STT3B: variants seen among roughly 807,000 people sequenced by gnomAD.
STT3B encodes the protein dolichyl-diphosphooligosaccharide--protein glycosyltransferase subunit STT3B.
STT3B carries 29 observed loss-of-function variants against 96.8 expected under a neutral mutation model. That is an observed-to-expected ratio of 0.30 (90% CI 0.22 to 0.41). STT3B has a LOEUF of 0.41. STT3B is among the 10% of genes least tolerant of loss of function. STT3B has a pLI of 1.00. For missense variants in STT3B, 640 were observed against 1,022.3 expected, an observed-to-expected ratio of 0.63 and a Z score of 5.10; for synonymous variants, 367 against 360.0, an observed-to-expected ratio of 1.02 and a Z score of -0.22.
intron 3 of STT3B, among the ~76,000 whole-genome samples, chr3:31,592,935 G>A (rs1698698776): frequency 6.6e-6 from 1 of 152,112 alleles, no homozygotes; most frequent in South Asian, 2.1e-4. Context: ...GCAACATTGG[G>A]GCCAAAGTGC....
At chr3:31,578,661 TATC>T (rs1177858788) in intron 2 of STT3B, among the ~76,000 whole-genome samples, 2 of 151,994 alleles carry the variant, frequency 1.3e-5, no homozygotes, top group African/African-American at 4.8e-5. Context: ...GTGGATGAAT[TATC>T]ATGCTTTTTT....
chr3:31,620,439 T>C (rs1699401929), intron 9 of STT3B: 1 of 152,224 alleles, frequency 6.6e-6, no homozygotes, highest in African/African-American at 2.4e-5. Flanking sequence ...CTTTGTTTTC[T>C]GAGTAAAATT....
chr3:31,578,311 C>G (rs762552224), intron 2 of STT3B, among the ~76,000 whole-genome samples: 1 of 152,090 alleles, frequency 6.6e-6, no homozygotes, highest in African/African-American at 2.4e-5. Context: ...CTTTTTTCTT[C>G]TCTCCTGTGG....
chr3:31,584,901 A>G (rs1163354864), intron 3 of STT3B, among the ~76,000 whole-genome samples: 2 of 152,122 alleles, frequency 1.3e-5, no homozygotes, highest in East Asian at 3.9e-4. Context: ...ATTCATTTAA[A>G]ATTTCATTAT....
chr3:31,579,878 C>T lies in STT3B; in HGVS notation c.493C>T (p.His165Tyr). 2 of 1,613,734 alleles carry T rather than the reference C, an allele frequency of 1.2e-6. No homozygotes were observed. Among genetic ancestry groups the T allele is most frequent in the Non-Finnish European group, 1.7e-6 (2 of 1,179,728 alleles). ...WILNTLNITV[H>Y]IRDVCVFLAP... ...TTTAAATACATTGAACATAACTGTT[C>T]ACATAAGAGACGTATGTGTGTTCCT... The change falls in exon 3 of 16, where the codon CAC (histidine) becomes TAC (tyrosine). Residue 165 changes from histidine to tyrosine, a missense_variant. Physicochemically the swap from His to Tyr is moderately conservative, Grantham distance 83 (BLOSUM62 2). This residue lies in a region of STT3B where 267 missense variants were observed against 388.3 expected (regional missense o/e 0.69). Transcript: ENST00000295770.
At chr3:31,539,316 TTAATA>T (rs1314588005) in intron 1 of STT3B, among the ~76,000 whole-genome samples, 2 of 152,122 alleles carry the variant, frequency 1.3e-5, no homozygotes, top group African/African-American at 4.8e-5. Context: ...CAAGATAACT[TTAATA>T]TATGTTCTAA....
chr3:31,566,084 GGTAAGGTTATATAA>G, intron 1 of STT3B, among the ~76,000 whole-genome samples: 1 of 152,188 alleles, frequency 6.6e-6, no homozygotes, highest in South Asian at 2.1e-4. Flanking sequence ...TAGACAAATA[GGTAAGGTTATATAA>G]GATGGTACCA....
At chr3:31,533,485 C>A in intron 1 of STT3B, 173 bp downstream of exon 1, 4 of 797,476 alleles carry the variant, frequency 5.0e-6, no homozygotes, top group Non-Finnish European at 6.7e-6. Flanking sequence ...TGCCCGTGGG[C>A]GAAGTTTGCC....
At chr3:31,615,574 CT>C (rs989275419) in intron 6 of STT3B, among the ~76,000 whole-genome samples, 2 of 151,854 alleles carry the variant, frequency 1.3e-5, no homozygotes, top group African/African-American at 2.4e-5. Flanking sequence ...TTATATAGCA[CT>C]TTAAAATTTA....
chr3:31,627,766 T>G (rs1175552901), intron 13 of STT3B, among the ~76,000 whole-genome samples: 1 of 152,236 alleles, frequency 6.6e-6, no homozygotes, highest in Non-Finnish European at 1.5e-5. Flanking sequence ...GTGGATTTGC[T>G]TTAGCAGTCA....
chr3:31,578,018 A>T (rs934303300), intron 2 of STT3B, among the ~76,000 whole-genome samples: 10 of 152,040 alleles, frequency 6.6e-5, no homozygotes, highest in African/African-American at 2.4e-4. Flanking sequence ...TAGGGGTTTC[A>T]CTGGTTTTAG....
intron 3 of STT3B, 54 bp from the exon 4 acceptor site, chr3:31,596,744 T>A: frequency 7.1e-7 from 1 of 1,404,454 alleles, no homozygotes; most frequent in East Asian, 2.3e-5. Context: ...TTTTAAAAAT[T>A]CCGCAAGAAC....
intron 13 of STT3B, among the ~76,000 whole-genome samples, chr3:31,626,843 GTAAACTCTT>G (rs1462554911): frequency 2.0e-5 from 3 of 152,182 alleles, no homozygotes; most frequent in Non-Finnish European, 4.4e-5. Context: ...AGTATAAAGT[GTAAACTCTT>G]TAGCTTGGAA....
intron 1 of STT3B, among the ~76,000 whole-genome samples, chr3:31,534,290 C>G (rs558400053): frequency 6.6e-6 from 1 of 152,178 alleles, no homozygotes. Context: ...GAAATTACCC[C>G]ACTCTTAACA....
At chr3:31,629,539 CT>C (rs761751509) in intron 14 of STT3B, 128 bp downstream of exon 14, 3 of 495,738 alleles carry the variant, frequency 6.1e-6, no homozygotes, top group African/African-American at 2.0e-5. Context: ...TCTAAATAGT[CT>C]TTTTTTCATT....
intron 5 of STT3B, among the ~76,000 whole-genome samples, chr3:31,613,872 G>GA (rs1699241968): frequency 6.6e-6 from 1 of 151,976 alleles, no homozygotes; most frequent in Admixed American, 6.6e-5. Flanking sequence ...AACGTTATCT[G>GA]ATGGATTATG....
chr3:31,572,202 TTA>T (rs1305735332), intron 1 of STT3B, among the ~76,000 whole-genome samples: 5 of 144,334 alleles, frequency 3.5e-5, no homozygotes, highest in Non-Finnish European at 1.5e-5. Flanking sequence ...ATATAATTAA[TTA>T]TATATATTAT....
chr3:31,560,627 T>C (rs183775861), intron 1 of STT3B, among the ~76,000 whole-genome samples: 11 of 152,230 alleles, frequency 7.2e-5, no homozygotes, highest in African/African-American at 2.6e-4. Context: ...TTATTAGTCT[T>C]ATGGGGGTTT....
chr3:31,535,391 T>C (rs1264852501), intron 1 of STT3B, among the ~76,000 whole-genome samples: 2 of 151,914 alleles, frequency 1.3e-5, no homozygotes, highest in African/African-American at 4.8e-5. Flanking sequence ...CCAGCTTCAG[T>C]AGTGTGGTTG....
Sources: allele counts gnomAD v4.1 joint callset (sites outside exome capture counted in the v4.1 genomes callset), GRCh38; gene constraint gnomAD v4.1.1; regional missense constraint gnomAD v4.1.1; transcripts MANE v1.5; gene names NCBI Gene and HGNC (gene_info 2026-07-23, HGNC 2026-07-21).